GLRA1: variants seen among roughly 807,000 people sequenced by gnomAD.
GLRA1 encodes the protein glycine receptor subunit alpha-1.
In GLRA1, 37 loss-of-function variants were observed where a neutral mutation model predicts 48.3. The ratio of observed to expected loss-of-function variants is 0.77; its 90% CI spans 0.59 to 1.01. The LOEUF (loss-of-function observed/expected upper bound fraction) is 1.01. Ranked by LOEUF, GLRA1 falls within the 50% of genes least tolerant of loss-of-function variation. The pLI, the probability that GLRA1 is intolerant of heterozygous loss-of-function variation, is 0.00. For synonymous variants in GLRA1, 196 were observed against 210.7 expected (o/e 0.93, Z 0.60); for missense variants, 427 against 571.0 (o/e 0.75, Z 2.57).
At chr5:151,897,864 T>C (rs1435030969) in intron 1 of GLRA1, among the ~76,000 whole-genome samples, 1 of 152,206 alleles carries the variant, frequency 6.6e-6, no homozygotes, top group African/African-American at 2.4e-5. Flanking sequence ...ATGTATTATG[T>C]ATGTTATGTA....
chr5:151,831,047 T>C (rs771744866), intron 7 of GLRA1, among the ~76,000 whole-genome samples: 1 of 152,178 alleles, frequency 6.6e-6, no homozygotes, highest in Non-Finnish European at 1.5e-5. Flanking sequence ...CACAAGGGGT[T>C]GGGGATCTCC....
intron 7 of GLRA1, among the ~76,000 whole-genome samples, chr5:151,835,027 CAAAAA>C (rs60718344): frequency 4.8e-4 from 25 of 52,538 alleles, no homozygotes; most frequent in African/African-American, 1.7e-3. Flanking sequence ...GACAACATCT[CAAAAA>C]AAAAAAAAAA....
intron 1 of GLRA1, among the ~76,000 whole-genome samples, chr5:151,892,868 G>C (rs1004605772): frequency 2.0e-5 from 3 of 152,138 alleles, no homozygotes; most frequent in Admixed American, 2.0e-4. Flanking sequence ...ATTTCCTCAA[G>C]GTTTATTTTC....
chr5:151,872,110 A>T (rs1458791329), intron 3 of GLRA1, among the ~76,000 whole-genome samples: 1 of 149,766 alleles, frequency 6.7e-6, no homozygotes, highest in Admixed American at 6.6e-5. Flanking sequence ...TATGAAAAAG[A>T]TAGCATTTCA....
chr5:151,896,859 CA>C (rs1754238442), intron 1 of GLRA1, among the ~76,000 whole-genome samples: 1 of 152,070 alleles, frequency 6.6e-6, no homozygotes, highest in Admixed American at 6.6e-5. Flanking sequence ...ACAATGACAA[CA>C]AGACAAAAAG....
chr5:151,915,282 A>G (rs1288086846), intron 1 of GLRA1, among the ~76,000 whole-genome samples: 1 of 152,182 alleles, frequency 6.6e-6, no homozygotes, highest in Non-Finnish European at 1.5e-5. Context: ...TCCTGAGGGA[A>G]GGCAGAAGAG....
At chr5:151,836,425 T>C (rs911101195) in intron 7 of GLRA1, among the ~76,000 whole-genome samples, 67 of 152,332 alleles carry the variant, frequency 4.4e-4, no homozygotes, top group African/African-American at 1.6e-3. Flanking sequence ...CAAGCTACCA[T>C]TGACTTTCTT....
chr5:151,905,715 G>C (rs1003996073), intron 1 of GLRA1, among the ~76,000 whole-genome samples: 3 of 152,140 alleles, frequency 2.0e-5, no homozygotes, highest in Non-Finnish European at 4.4e-5. Flanking sequence ...CAGTGTGCTA[G>C]GGGCAAGGGC....
At chr5:151,823,191 G>A (rs953551965) in intron 8 of GLRA1, among the ~76,000 whole-genome samples, 8 of 152,254 alleles carry the variant, frequency 5.3e-5, no homozygotes, top group Non-Finnish European at 5.9e-5. Flanking sequence ...TAGGAATGTG[G>A]TTTAGAGTCT....
intron 3 of GLRA1, 105 bp downstream of exon 3, chr5:151,886,616 C>T: frequency 1.2e-6 from 1 of 868,364 alleles, no homozygotes; most frequent in South Asian, 1.4e-5. Context: ...TGAGAAAAAC[C>T]CAGCTGATTC....
At chr5:151,919,254 A>G (rs1365441267) in intron 1 of GLRA1, among the ~76,000 whole-genome samples, 1 of 152,208 alleles carries the variant, frequency 6.6e-6, no homozygotes, top group East Asian at 1.9e-4. Flanking sequence ...TATCTGGTAA[A>G]CAATTTTTTT....
At chr5:151,922,744 C>G (rs756280801) in intron 1 of GLRA1, among the ~76,000 whole-genome samples, 22 of 152,212 alleles carry the variant, frequency 1.4e-4, no homozygotes, top group Non-Finnish European at 3.1e-4. Flanking sequence ...GACTGAGTCT[C>G]CCTTTTGTGA....
At chr5:151,862,358 G>A (rs1341545771) in intron 3 of GLRA1, among the ~76,000 whole-genome samples, 2 of 152,172 alleles carry the variant, frequency 1.3e-5, no homozygotes, top group Non-Finnish European at 2.9e-5. Flanking sequence ...TACCATTCAG[G>A]CCATAGGCAT....
At chr5:151,888,118 A>G (rs944069492) in intron 2 of GLRA1, among the ~76,000 whole-genome samples, 2 of 152,262 alleles carry the variant, frequency 1.3e-5, no homozygotes, top group Admixed American at 1.3e-4. Flanking sequence ...TCAACTAACA[A>G]GTGGTAGAAC....
intron 1 of GLRA1, among the ~76,000 whole-genome samples, chr5:151,910,553 A>T (rs1479173782): frequency 2.0e-5 from 3 of 152,160 alleles, no homozygotes; most frequent in African/African-American, 7.2e-5. Context: ...CACTCCTCGT[A>T]ATCATTCATC....
In GLRA1 at chr5:151,909,783, G is replaced by A. The variant is rs1226976107; in HGVS notation, c.56+14711C>T. Among the ~76,000 whole-genome samples the A allele has an allele frequency of 2.0e-5, 3 of 152,178 alleles. No individual in the cohort carries two copies. In the East Asian group the frequency reaches 5.8e-4, roughly 29 times the overall value. On this transcript the variant is annotated intron_variant, in intron 1 of 8. Coordinates refer to ENST00000274576, the MANE Select transcript of GLRA1 (RefSeq NM_000171.4). ...AAGAGACTTGGAATTCTCAGTTCTT[G>A]TCTGGGCTGGACATTAATTTACTGT... is the stretch of plus-strand genomic sequence containing the variant.
intron 1 of GLRA1, among the ~76,000 whole-genome samples, chr5:151,922,396 T>A (rs1754898118): frequency 6.6e-6 from 1 of 152,270 alleles, no homozygotes; most frequent in Non-Finnish European, 1.5e-5. Context: ...TGACCTTTTT[T>A]TAATCTCTCT....
At chr5:151,826,194 T>A (rs1368590032) in intron 8 of GLRA1, among the ~76,000 whole-genome samples, 1 of 152,210 alleles carries the variant, frequency 6.6e-6, no homozygotes, top group South Asian at 2.1e-4. Context: ...CAATACCTTA[T>A]GGGAAGCACA....
At chr5:151,843,785 T>C (rs2113322437) in intron 7 of GLRA1, among the ~76,000 whole-genome samples, 2 of 152,308 alleles carry the variant, frequency 1.3e-5, no homozygotes, top group East Asian at 3.9e-4. Context: ...TATAGGTCAG[T>C]TGATTTTTTT....
Sources: allele counts gnomAD v4.1 joint callset (sites outside exome capture counted in the v4.1 genomes callset), GRCh38; gene constraint gnomAD v4.1.1; transcripts MANE v1.5; gene names NCBI Gene and HGNC (gene_info 2026-07-23, HGNC 2026-07-21).